Variants in TBC1D22A observed in about 807,000 individuals in gnomAD.
TBC1D22A encodes the protein TBC1 domain family member 22A.
A neutral mutation model predicts 60.2 loss-of-function variants in TBC1D22A; 38 were observed. That is an observed-to-expected ratio of 0.63 (90% CI 0.49 to 0.83). The LOEUF (loss-of-function observed/expected upper bound fraction) is 0.83, where lower values mean the gene tolerates loss of function less well. Among genes scored for constraint, TBC1D22A ranks in the 40% least tolerant of loss-of-function variants. The pLI, the probability that TBC1D22A is intolerant of heterozygous loss-of-function variation, is 0.00. For missense variants in TBC1D22A, 628 were observed against 701.0 expected, an observed-to-expected ratio of 0.90 and a Z score of 1.18; for synonymous variants, 302 against 281.7, an observed-to-expected ratio of 1.07 and a Z score of -0.72.
chr22:46,941,617 A>G (rs1298321819), intron 8 of TBC1D22A, among the ~76,000 whole-genome samples: 3 of 148,546 alleles, frequency 2.0e-5, no homozygotes, highest in Non-Finnish European at 4.5e-5. Context: ...CGCGGAATAT[A>G]TATACGGAAT....
chr22:46,917,811 T>G (rs887177439), intron 8 of TBC1D22A, among the ~76,000 whole-genome samples: 1 of 152,084 alleles, frequency 6.6e-6, no homozygotes, highest in Non-Finnish European at 1.5e-5. Flanking sequence ...CTCCGAGCTG[T>G]GACTGTCTGT....
intron 11 of TBC1D22A, among the ~76,000 whole-genome samples, chr22:47,093,144 C>G (rs1179920447): frequency 6.6e-6 from 1 of 152,154 alleles, no homozygotes; most frequent in African/African-American, 2.4e-5. Context: ...GAAAGGATGT[C>G]TTTGATTTCA....
intron 5 of TBC1D22A, among the ~76,000 whole-genome samples, chr22:46,884,584 G>A (rs2068018525): frequency 6.6e-6 from 1 of 152,220 alleles, no homozygotes; most frequent in Admixed American, 6.5e-5. Context: ...CCTCGAAAGG[G>A]CAGCCAGTCA....
intron 3 of TBC1D22A, among the ~76,000 whole-genome samples, chr22:46,794,522 C>T (rs1185721699): frequency 6.6e-6 from 1 of 152,302 alleles, no homozygotes; most frequent in African/African-American, 2.4e-5. Context: ...CATGGTTGTG[C>T]GATGAACCCA....
intron 8 of TBC1D22A, among the ~76,000 whole-genome samples, chr22:46,925,384 G>A (rs757526405): frequency 1.6e-4 from 25 of 152,248 alleles, no homozygotes; most frequent in Non-Finnish European, 3.5e-4. Context: ...GCGAAGTGGA[G>A]GTGGCTGGCT....
intron 8 of TBC1D22A, among the ~76,000 whole-genome samples, chr22:46,939,977 C>T (rs2071885994): frequency 6.6e-6 from 1 of 152,190 alleles, no homozygotes; most frequent in Admixed American, 6.5e-5. Flanking sequence ...TTTAGATCCA[C>T]TATACAGGCA....
chr22:47,057,665 C>T (rs73471662), intron 11 of TBC1D22A, among the ~76,000 whole-genome samples: 6,693 of 152,202 alleles, frequency 0.044, 461 homozygotes, highest in African/African-American at 0.15. Context: ...GGCAAGAGGG[C>T]GTGTGCAGGG....
intron 4 of TBC1D22A, among the ~76,000 whole-genome samples, chr22:46,870,929 A>G (rs2067267382): frequency 6.6e-6 from 1 of 152,224 alleles, no homozygotes; most frequent in African/African-American, 2.4e-5. Context: ...TTTCCAACAC[A>G]TGAATTTTTG....
intron 5 of TBC1D22A, among the ~76,000 whole-genome samples, chr22:46,889,791 G>A (rs2147586733): frequency 6.6e-6 from 1 of 152,296 alleles, no homozygotes; most frequent in Admixed American, 6.5e-5. Flanking sequence ...GGCAGCCTCA[G>A]CCATGCACAG....
chr22:46,904,509 T>A (rs1310774164), intron 7 of TBC1D22A, among the ~76,000 whole-genome samples: 2 of 151,794 alleles, frequency 1.3e-5, no homozygotes, highest in Non-Finnish European at 2.9e-5. Context: ...TGCTTTGTTG[T>A]CCAGGCTGGA....
intron 5 of TBC1D22A, among the ~76,000 whole-genome samples, chr22:46,883,861 C>T (rs2067975836): frequency 6.6e-6 from 1 of 152,228 alleles, no homozygotes; most frequent in South Asian, 2.1e-4. Context: ...TGCTCCGTCT[C>T]TTTCTCTCCA....
intron 10 of TBC1D22A, among the ~76,000 whole-genome samples, chr22:47,015,429 C>T (rs909816676): frequency 2.0e-5 from 3 of 152,182 alleles, no homozygotes; most frequent in African/African-American, 4.8e-5. Context: ...GAGGGGGCCA[C>T]GCCCACCCCG....
At chr22:47,171,677 C>T (rs1010090316) in intron 12 of TBC1D22A, among the ~76,000 whole-genome samples, 5 of 152,170 alleles carry the variant, frequency 3.3e-5, no homozygotes, top group African/African-American at 1.2e-4. Context: ...CCTGCCCTGC[C>T]CTTGGTGGGC....
At chr22:46,771,801 G>C (rs2083489169) in intron 1 of TBC1D22A, among the ~76,000 whole-genome samples, 1 of 151,896 alleles carries the variant, frequency 6.6e-6, no homozygotes, top group African/African-American at 2.4e-5. Flanking sequence ...CACCATGTTG[G>C]CCAGGCTGGT....
intron 11 of TBC1D22A, among the ~76,000 whole-genome samples, chr22:47,083,896 T>C (rs1285896071): frequency 6.6e-6 from 1 of 152,122 alleles, no homozygotes; most frequent in African/African-American, 2.4e-5. Flanking sequence ...CTAGCAAATG[T>C]GTAGCGCAGC....
intron 8 of TBC1D22A, among the ~76,000 whole-genome samples, chr22:46,930,182 TC>T (rs1364904850): frequency 1.3e-5 from 2 of 152,120 alleles, no homozygotes; most frequent in African/African-American, 4.8e-5. Context: ...TCTCACTGTC[TC>T]CCCCATCAGA....
chr22:46,793,279 G>C (rs898079683), intron 2 of TBC1D22A, among the ~76,000 whole-genome samples: 4 of 152,186 alleles, frequency 2.6e-5, no homozygotes, highest in South Asian at 2.1e-4. Context: ...CCTCCCAGGT[G>C]ACCTTCCTGG....
At chr22:47,026,737 A>G (rs753701976) in intron 10 of TBC1D22A, among the ~76,000 whole-genome samples, 4 of 152,238 alleles carry the variant, frequency 2.6e-5, no homozygotes, top group Non-Finnish European at 4.4e-5. Context: ...CTACAAAACA[A>G]TGCTGAGAGA....
At chr22:46,928,616 C>G (rs968149201) in intron 8 of TBC1D22A, among the ~76,000 whole-genome samples, 1 of 151,814 alleles carries the variant, frequency 6.6e-6, no homozygotes, top group African/African-American at 2.4e-5. Flanking sequence ...CTCTCAAGAA[C>G]ATGAAAAAAC....
Sources: allele counts gnomAD v4.1 joint callset (sites outside exome capture counted in the v4.1 genomes callset), GRCh38; gene constraint gnomAD v4.1.1; transcripts MANE v1.5; gene names NCBI Gene and HGNC (gene_info 2026-07-23, HGNC 2026-07-21).